The following SPTSSA variants were observed in gnomAD, a reference collection of about 807,000 sequenced individuals.
SPTSSA encodes small subunit of serine palmitoyltransferase A.
A neutral mutation model predicts 9.1 loss-of-function variants in SPTSSA; 8 were observed. The observed-to-expected ratio is 0.88, with a 90% CI of 0.51 to 1.58. The LOEUF is 1.58. Among genes scored for constraint, SPTSSA ranks in the 40% most tolerant of loss-of-function variants. SPTSSA has a pLI of 0.00. For missense variants in SPTSSA, 100 were observed against 93.8 expected (o/e 1.07, Z -0.27); for synonymous variants, 42 against 37.7 (o/e 1.11, Z -0.41).
At chr14:34,458,154 A>T (rs1878528595) in intron 1 of SPTSSA, among the ~76,000 whole-genome samples, 1 of 152,028 alleles carries the variant, frequency 6.6e-6, no homozygotes, top group African/African-American at 2.4e-5. Flanking sequence ...TTTTTTACAA[A>T]TTGCAATTTC....
At position 34,454,866 on chromosome 14, in the gene SPTSSA, C is replaced by G. The variant is rs180933395; in HGVS notation, c.112+7230G>C. Among the ~76,000 whole-genome samples the G allele has an allele frequency of 2.3e-3, 343 of 152,300 alleles. No individual in the cohort carries two copies. The Middle Eastern group carries it at 0.024, about 11-fold the overall frequency. ...CTTTGGGAGGCCAAGGTGGGTGGGT[C>G]ACCTGAGGTCAGGAGTTCGAGACCA... On this transcript the variant is annotated intron_variant, in intron 1 of 1. Coordinates refer to ENST00000298130, the MANE Select transcript of SPTSSA (RefSeq NM_138288.4).
intron 1 of SPTSSA, among the ~76,000 whole-genome samples, chr14:34,450,854 G>C (rs1883507634): frequency 6.6e-6 from 1 of 152,136 alleles, no homozygotes; most frequent in Admixed American, 6.5e-5. Context: ...TGAACAATCA[G>C]AGGTTATTCA....
chr14:34,458,729 C>T (rs1183210991), intron 1 of SPTSSA, among the ~76,000 whole-genome samples: 1 of 142,694 alleles, frequency 7.0e-6, no homozygotes, highest in Non-Finnish European at 1.5e-5. Flanking sequence ...ACTGGTGAAC[C>T]GCCACCGCGC....
At chr14:34,461,171 T>C (rs898258788) in intron 1 of SPTSSA, among the ~76,000 whole-genome samples, 1 of 152,236 alleles carries the variant, frequency 6.6e-6, no homozygotes, top group Non-Finnish European at 1.5e-5. Flanking sequence ...CTGTTTTGTA[T>C]TGGCCTGAGT....
chr14:34,444,387 A>G (rs1253249461), intron 1 of SPTSSA, among the ~76,000 whole-genome samples: 2 of 151,426 alleles, frequency 1.3e-5, no homozygotes, highest in Non-Finnish European at 2.9e-5. Context: ...CATTGGCCAC[A>G]CCCCTAGCTA....
At chr14:34,444,288 A>C (rs1464741405) in intron 1 of SPTSSA, among the ~76,000 whole-genome samples, 1 of 152,236 alleles carries the variant, frequency 6.6e-6, no homozygotes, top group East Asian at 1.9e-4. Flanking sequence ...GGTTTGCTAA[A>C]TGCTTTAAGG....
chr14:34,457,142 C>T (rs1207488277), intron 1 of SPTSSA, among the ~76,000 whole-genome samples: 2 of 151,770 alleles, frequency 1.3e-5, no homozygotes, highest in Non-Finnish European at 2.9e-5. Context: ...CCATGCCCCA[C>T]TAATTTTTTA....
chr14:34,449,946 T>A (rs1320442553), intron 1 of SPTSSA, among the ~76,000 whole-genome samples: 1 of 152,206 alleles, frequency 6.6e-6, no homozygotes, highest in Non-Finnish European at 1.5e-5. Context: ...AAATTTAAAG[T>A]ACCCTTGACA....
rs1026743638 is a variant in SPTSSA at position 34,462,209 on chromosome 14, C to A, written c.-2G>T. 2.0e-5 allele frequency: 31 copies of A among 1,524,726 alleles called. No individual in the cohort carries two copies. The highest frequency in any genetic ancestry group is 2.7e-5 in the Non-Finnish European group (30 of 1,130,682). The allele number at this position is 1,524,726 out of a possible 1,614,324, so 94.4% of individuals were successfully genotyped here. A position where few individuals can be genotyped will look rare whatever the true frequency, so the allele number is the denominator to read the frequency against. On this transcript the variant is annotated 5_prime_UTR_variant, in exon 1 of 2. Transcript: ENST00000298130. ...CCGCGCCAGCGCCATCCCCGCCATG[C>A]GCCTCCCGCGATGCAGCTCACACGT...
intron 1 of SPTSSA, among the ~76,000 whole-genome samples, chr14:34,443,355 A>AGAGTGTGT (rs1437143690): frequency 1.6e-4 from 1 of 6,264 alleles, no homozygotes; most frequent in East Asian, 1.9e-3. Context: ...GGAGGGTGTG[A>AGAGTGTGT]GTGTGTGTGT....
chr14:34,441,412 C>A (rs577639992), intron 1 of SPTSSA, among the ~76,000 whole-genome samples: 74 of 152,318 alleles, frequency 4.9e-4, no homozygotes, highest in African/African-American at 1.8e-3. Flanking sequence ...TGTAACAGGG[C>A]CTTTGAGCCC....
chr14:34,448,206 A>G (rs1416798673), intron 1 of SPTSSA, among the ~76,000 whole-genome samples: 6 of 152,104 alleles, frequency 3.9e-5, no homozygotes, highest in African/African-American at 1.2e-4. Flanking sequence ...CAGTGAGCCA[A>G]GACGATGCCA....
chr14:34,435,984 A>C (rs1327405528), intron 1 of SPTSSA, among the ~76,000 whole-genome samples: 1 of 152,170 alleles, frequency 6.6e-6, no homozygotes, highest in Admixed American at 6.5e-5. Context: ...AGAAATAAAT[A>C]TACAGGAATA....
At chr14:34,461,477 T>C (rs17523212) in intron 1 of SPTSSA, among the ~76,000 whole-genome samples, 1 of 152,156 alleles carries the variant, frequency 6.6e-6, no homozygotes, top group Admixed American at 6.6e-5. Context: ...ATTGCACCAC[T>C]TTTCGGGCCG....
chr14:34,437,931 G>A (rs1453087595), intron 1 of SPTSSA, among the ~76,000 whole-genome samples: 2 of 152,070 alleles, frequency 1.3e-5, no homozygotes, highest in Non-Finnish European at 2.9e-5. Flanking sequence ...CTTCCAAGTA[G>A]CTGGGACAAC....
intron 1 of SPTSSA, among the ~76,000 whole-genome samples, chr14:34,450,598 A>G (rs899349258): frequency 3.7e-5 from 5 of 135,194 alleles, no homozygotes; most frequent in Admixed American, 7.2e-5. Flanking sequence ...TGACTCAAGC[A>G]ATAGAGAACA....
Position 34,461,963 on chromosome 14 carries a change from C to A in SPTSSA, c.112+133G>T, listed in dbSNP as rs1428250449. ...CTCGGCCCCCAGACCTCCCCCTGCA[C>A]CCCCGGCTTCCGCGCACAGGACCGG... On this transcript the variant is annotated intron_variant, in intron 1 of 1. Coordinates refer to ENST00000298130, the MANE Select transcript of SPTSSA (RefSeq NM_138288.4). The A allele has an allele frequency of 2.9e-5, 14 of 477,216 alleles. No homozygotes were observed. The East Asian group carries it at 9.7e-4, about 33-fold the overall frequency. The allele number at this position is 477,216 out of a possible 1,614,324, so 29.6% of individuals were successfully genotyped here. A position where few individuals can be genotyped will look rare whatever the true frequency, so the allele number is the denominator to read the frequency against.
At chr14:34,460,932 G>A (rs1878604646) in intron 1 of SPTSSA, among the ~76,000 whole-genome samples, 2 of 152,160 alleles carry the variant, frequency 1.3e-5, no homozygotes, top group South Asian at 4.1e-4. Flanking sequence ...TGCTTTGAAA[G>A]CATCTCAAAT....
At position 34,434,572 on chromosome 14, in the gene SPTSSA, A is replaced by G. The variant is rs1883209152; in HGVS notation, c.*629T>C. On this transcript the variant is annotated 3_prime_UTR_variant, in exon 2 of 2. Transcript: ENST00000298130. ...TAAAAGGTGAAATGTTCCTTATTTT[A>G]ACTTTAGCAAGATCTTTTCTTTTTC... 1 of 152,654 alleles carries G rather than the reference A, an allele frequency of 6.6e-6. No homozygotes were observed. Among genetic ancestry groups the G allele is most frequent in the Admixed American group, 6.5e-5 (1 of 15,282 alleles). The allele number at this position is 152,654 out of a possible 1,614,324, so 9.5% of individuals were successfully genotyped here. A position where few individuals can be genotyped will look rare whatever the true frequency, so the allele number is the denominator to read the frequency against.
Sources: gnomAD v4.1 joint callset for allele counts (sites outside exome capture counted in the v4.1 genomes callset) on GRCh38, gnomAD v4.1.1 for gene constraint, MANE v1.5 for transcripts, NCBI Gene and HGNC (gene_info 2026-07-23, HGNC 2026-07-21) for gene names.